Variants in SLC2A5 observed in about 807,000 individuals in gnomAD.
SLC2A5 encodes solute carrier family 2, facilitated glucose transporter member 5.
A neutral mutation model predicts 50.3 loss-of-function variants in SLC2A5; 56 were observed. The observed-to-expected ratio is 1.11, with a 90% CI of 0.90 to 1.39. SLC2A5 has a LOEUF of 1.39. Among genes scored for constraint, SLC2A5 ranks in the 40% most tolerant of loss-of-function variants. SLC2A5 has a pLI of 0.00. For synonymous variants in SLC2A5, 269 were observed against 281.9 expected (o/e 0.95, Z 0.46); for missense variants, 566 against 650.1 (o/e 0.87, Z 1.41).
At chr1:9,053,821 C>T (rs1430326106) in intron 3 of SLC2A5, among the ~76,000 whole-genome samples, 1 of 150,164 alleles carries the variant, frequency 6.7e-6, no homozygotes, top group African/African-American at 2.4e-5. Flanking sequence ...TTGCAGTGAG[C>T]CAAGATTGCG....
At position 9,039,614 on chromosome 1, in the gene SLC2A5, C is replaced by T; in HGVS notation, c.934G>A (p.Glu312Lys). The change falls in exon 8 of 12, where the codon GAG (glutamate) becomes AAG (lysine). Residue 312 changes from glutamate (E) to lysine (K), a missense_variant. Coordinates refer to ENST00000377424, the MANE Select transcript of SLC2A5 (RefSeq NM_003039.3). ...CCGGCCGTCACGTACTGCACGTGCT[C>T]CTCCGGCACGCCGGCGCTCAGGTAG... is the stretch of plus-strand genomic sequence containing the variant. The part of the protein sequence containing the change: ...QIYLSAGVPE[E>K]HVQYVTAGTG... The T allele has an allele frequency of 6.4e-7, 1 of 1,572,842 alleles. No individual in the cohort carries two copies. The highest frequency in any genetic ancestry group is 8.6e-7 in the Non-Finnish European group (1 of 1,160,118).
chr1:9,081,044 C>T (rs185189950), intron 2 of SLC2A5, among the ~76,000 whole-genome samples: 5 of 152,056 alleles, frequency 3.3e-5, no homozygotes, highest in African/African-American at 1.2e-4. Context: ...TTAAGACTGG[C>T]CTGGACAATG....
intron 10 of SLC2A5, among the ~76,000 whole-genome samples, 160 bp downstream of exon 10, chr1:9,038,271 C>T (rs765299254): frequency 5.9e-5 from 9 of 152,200 alleles, no homozygotes; most frequent in East Asian, 1.9e-4. Flanking sequence ...TTTACCATTT[C>T]GCTCTCATTA....
At chr1:9,046,179 G>T (rs192874196) in intron 4 of SLC2A5, among the ~76,000 whole-genome samples, 70 of 152,214 alleles carry the variant, frequency 4.6e-4, no homozygotes, top group African/African-American at 1.5e-3. Context: ...ACCTGGGAGG[G>T]GCTCCCTCAA....
chr1:9,038,566 G>T, intron 9 of SLC2A5, 60 bp from the exon 10 acceptor site: 1 of 1,468,428 alleles, frequency 6.8e-7, no homozygotes, highest in Non-Finnish European at 9.5e-7. Flanking sequence ...GACCCCAGGG[G>T]GCGGCCAACC....
chr1:9,058,347 G>T, intron 1 of SLC2A5, 97 bp from the exon 2 acceptor site: 1 of 842,398 alleles, frequency 1.2e-6, no homozygotes, highest in Non-Finnish European at 2.0e-6. Context: ...AGAATCTGAA[G>T]ATCCATAGTC....
chr1:9,071,426 C>A (rs886070546), upstream of SLC2A5, among the ~76,000 whole-genome samples: 1 of 152,144 alleles, frequency 6.6e-6, no homozygotes, highest in Non-Finnish European at 1.5e-5. Flanking sequence ...CATCCTCCCC[C>A]CAAAAATAAT....
intron 1 of SLC2A5, among the ~76,000 whole-genome samples, chr1:9,060,653 C>CA (rs1641915253): frequency 7.6e-6 from 1 of 131,484 alleles, no homozygotes; most frequent in Non-Finnish European, 1.7e-5. Context: ...CACACACCCC[C>CA]CACACACACA....
In SLC2A5 at chr1:9,038,509, G is replaced by A. The variant is rs191194369; in HGVS notation, c.1099-3C>T. Reference sequence around the variant, plus strand: ...TATGGCATCCAGGACACTGTGTCCTGTGGAGAGAAAGCAGTTGGTTCACCT... The same window carrying A: ...TATGGCATCCAGGACACTGTGTCCTATGGAGAGAAAGCAGTTGGTTCACCT... On this transcript the variant is annotated splice_polypyrimidine_tract_variant and splice_region_variant and intron_variant, in intron 9 of 11. Transcript: ENST00000377424. The A allele has an allele frequency of 1.2e-6, 2 of 1,611,614 alleles. No individual in the cohort carries two copies. The highest frequency in any genetic ancestry group is 1.7e-6 in the Non-Finnish European group (2 of 1,178,230).
chr1:9,060,104 A>T (rs1285844684), intron 1 of SLC2A5, among the ~76,000 whole-genome samples: 1 of 127,526 alleles, frequency 7.8e-6, no homozygotes, highest in Non-Finnish European at 1.7e-5. Flanking sequence ...CAACACACAC[A>T]ATACACACAC....
chr1:9,063,412 G>A (rs1018477346), intron 1 of SLC2A5, among the ~76,000 whole-genome samples: 3 of 151,726 alleles, frequency 2.0e-5, no homozygotes, highest in South Asian at 4.2e-4. Context: ...TCGCTCTGTC[G>A]CCCAGGCTGG....
At chr1:9,077,760 A>AGAGGGAGGGAGGGAGG (rs897950832) in intron 2 of SLC2A5, among the ~76,000 whole-genome samples, 12 of 101,844 alleles carry the variant, frequency 1.2e-4, no homozygotes, top group Admixed American at 3.5e-4. Flanking sequence ...AGGGAGGGAG[A>AGAGGGAGGGAGGGAGG]GAGGGAGGGA....
At chr1:9,086,357 C>T (rs1303847096) in intron 1 of SLC2A5, among the ~76,000 whole-genome samples, 1 of 151,256 alleles carries the variant, frequency 6.6e-6, no homozygotes, top group Admixed American at 6.6e-5. Context: ...TCCCGGAAAG[C>T]TCAGAGGCTG....
intron 2 of SLC2A5, among the ~76,000 whole-genome samples, chr1:9,078,676 T>C (rs991254510): frequency 2.1e-4 from 32 of 152,216 alleles, no homozygotes; most frequent in Non-Finnish European, 4.7e-4. Flanking sequence ...CACACTACAT[T>C]GTTCTTTGTA....
At chr1:9,073,303 A>T (rs983843356), upstream of SLC2A5, among the ~76,000 whole-genome samples, 4 of 152,276 alleles carry the variant, frequency 2.6e-5, no homozygotes, top group Non-Finnish European at 5.9e-5. Flanking sequence ...GCGGCTGCCC[A>T]AAATAAAGAC....
chr1:9,052,993 T>C (rs1316185634), intron 3 of SLC2A5, among the ~76,000 whole-genome samples: 2 of 137,324 alleles, frequency 1.5e-5, no homozygotes, highest in Non-Finnish European at 3.0e-5. Context: ...TATATATGTT[T>C]TAAAAATATT....
chr1:9,074,990 C>T (rs79567532), intron 2 of SLC2A5, among the ~76,000 whole-genome samples: 2 of 151,548 alleles, frequency 1.3e-5, no homozygotes, highest in Non-Finnish European at 2.9e-5. Flanking sequence ...CCACAGAACT[C>T]GGCTTGAGCA....
intron 1 of SLC2A5, among the ~76,000 whole-genome samples, chr1:9,062,660 C>T (rs112057751): frequency 0.078 from 11,845 of 152,110 alleles, 684 homozygotes; most frequent in African/African-American, 0.17. Context: ...TCACTTGAGA[C>T]CAGGAGTTTG....
chr1:9,086,980 C>A (rs1642407316), intron 1 of SLC2A5, among the ~76,000 whole-genome samples: 1 of 152,182 alleles, frequency 6.6e-6, no homozygotes. Flanking sequence ...CCCAAGACAG[C>A]CTCCCCTGTG....
Sources: allele counts gnomAD v4.1 joint callset (sites outside exome capture counted in the v4.1 genomes callset), GRCh38; gene constraint gnomAD v4.1.1; transcripts MANE v1.5; gene names NCBI Gene and HGNC (gene_info 2026-07-23, HGNC 2026-07-21).